The following ADAM32 variants were observed in gnomAD, a reference collection of about 807,000 sequenced individuals.
ADAM32 encodes the protein ADAM metallopeptidase domain 32.
Under a neutral mutation model 114.9 loss-of-function variants are expected in ADAM32, and 89 were observed. The observed-to-expected ratio is 0.77, with a 90% CI of 0.65 to 0.92. ADAM32 has a LOEUF of 0.92. ADAM32 is among the 40% of genes least tolerant of loss of function. ADAM32 has a pLI of 0.00. For synonymous variants in ADAM32, 285 were observed against 307.5 expected, an observed-to-expected ratio of 0.93 and a Z score of 0.77; for missense variants, 870 against 932.8, an observed-to-expected ratio of 0.93 and a Z score of 0.88.
chr8:39,246,267 T>A, intron 17 of ADAM32, 101 bp downstream of exon 17: 1 of 903,224 alleles, frequency 1.1e-6, no homozygotes, highest in Non-Finnish European at 1.7e-6. Flanking sequence ...TGTGACAGAC[T>A]CTGTTGCATC....
chr8:39,222,670 C>T (rs191065375), intron 13 of ADAM32, among the ~76,000 whole-genome samples: 115 of 152,142 alleles, frequency 7.6e-4, no homozygotes, highest in Non-Finnish European at 1.5e-4. Flanking sequence ...CACTTAAAAA[C>T]CATGGCTTGA....
At chr8:39,151,596 CATTTA>C (rs772685756) in intron 6 of ADAM32, 48 bp downstream of exon 6, 18 of 1,265,460 alleles carry the variant, frequency 1.4e-5, no homozygotes, top group Middle Eastern at 2.8e-4. Flanking sequence ...TTATTACTTC[CATTTA>C]ATTTATTTAA....
At chr8:39,221,506 TC>T in intron 12 of ADAM32, 103 bp from the exon 13 acceptor site, 1 of 851,412 alleles carries the variant, frequency 1.2e-6, no homozygotes, top group Non-Finnish European at 1.9e-6. Context: ...AGCATTCATA[TC>T]CTTTTCCAAA....
intron 2 of ADAM32, among the ~76,000 whole-genome samples, chr8:39,122,465 A>G (rs1840625582): frequency 6.6e-6 from 1 of 152,192 alleles, no homozygotes; most frequent in South Asian, 2.1e-4. Flanking sequence ...GTGAGAACAT[A>G]GTGAGAAAAG....
Position 39,221,667 on chromosome 8 carries a change from A to C in ADAM32, c.1291A>C (p.Lys431Gln). The C allele has an allele frequency of 6.2e-7, 1 of 1,612,112 alleles. No homozygotes were observed. Reference protein sequence around the residue: ...FRTCVLKDGAKCYKGLCCKDC... With the variant: ...FRTCVLKDGAQCYKGLCCKDC... ...AACTTGTGTACTGAAAGACGGAGCAAAATGTTATAAAGGACTGTGCTGCAA... is the reference window on the plus strand; with the variant it reads ...AACTTGTGTACTGAAAGACGGAGCACAATGTTATAAAGGACTGTGCTGCAA... Residue 431 changes from lysine (K) to glutamine (Q), a missense_variant, in exon 13 of 25, where the codon AAA becomes CAA. Physicochemically the swap from Lys to Gln is moderately conservative, Grantham distance 53 (BLOSUM62 1). Coordinates refer to ENST00000379907, the MANE Select transcript of ADAM32 (RefSeq NM_145004.7).
intron 16 of ADAM32, among the ~76,000 whole-genome samples, chr8:39,242,612 G>A (rs1339312235): frequency 6.6e-6 from 1 of 152,062 alleles, no homozygotes; most frequent in Non-Finnish European, 1.5e-5. Flanking sequence ...AAGAGCACAG[G>A]AAAGACCTGC....
At chr8:39,225,314 C>T (rs149868230) in intron 14 of ADAM32, among the ~76,000 whole-genome samples, 5 of 152,308 alleles carry the variant, frequency 3.3e-5, no homozygotes, top group African/African-American at 1.2e-4. Flanking sequence ...CGCTGACTCT[C>T]CATCTGCTCC....
rs925480713 is a variant in ADAM32, at chr8:39,257,216, A to C, written c.2035A>C (p.Thr679Pro). ...AATCATGGAAAGAGCATCTGGGAAG[A>C]CTGAAAACACCTGGCTTCTAGGTTT... ...GSIMERASGK[T>P]ENTWLLGFLI... The change falls in exon 19 of 25, where the codon ACT becomes CCT. Residue 679 changes from threonine to proline, a missense_variant. Physicochemically the swap from Thr to Pro is conservative, Grantham distance 38. Coordinates refer to ENST00000379907, the MANE Select transcript of ADAM32 (RefSeq NM_145004.7). 2.5e-6 allele frequency: 4 copies of C among 1,607,508 alleles called. No homozygotes were observed. The highest frequency in any genetic ancestry group is 3.4e-6 in the Non-Finnish European group (4 of 1,176,422).
At chr8:39,203,568 G>A (rs1339145952) in intron 11 of ADAM32, among the ~76,000 whole-genome samples, 1 of 152,104 alleles carries the variant, frequency 6.6e-6, no homozygotes, top group Non-Finnish European at 1.5e-5. Context: ...ACACTGATGG[G>A]TCTTGACTCT....
intron 19 of ADAM32, among the ~76,000 whole-genome samples, chr8:39,269,536 T>C (rs1244536353): frequency 1.3e-5 from 2 of 152,216 alleles, no homozygotes; most frequent in African/African-American, 4.8e-5. Flanking sequence ...TTTCTCTAAT[T>C]TTTCTTTCCT....
At chr8:39,268,205 TC>T (rs1399234468) in intron 19 of ADAM32, among the ~76,000 whole-genome samples, 1 of 152,222 alleles carries the variant, frequency 6.6e-6, no homozygotes, top group Non-Finnish European at 1.5e-5. Flanking sequence ...CATCTTGTAT[TC>T]CAGCCACTAG....
At chr8:39,200,185 A>G (rs1250568686) in intron 11 of ADAM32, among the ~76,000 whole-genome samples, 4 of 152,302 alleles carry the variant, frequency 2.6e-5, no homozygotes, top group Admixed American at 2.0e-4. Flanking sequence ...TAGGTCCTTG[A>G]GGAATTGCCA....
chr8:39,133,233 T>C (rs968995864), intron 2 of ADAM32, among the ~76,000 whole-genome samples: 3 of 152,186 alleles, frequency 2.0e-5, no homozygotes, highest in Non-Finnish European at 2.9e-5. Flanking sequence ...ACCTGGCACC[T>C]CTCCCTCTCT....
chr8:39,240,094 G>A (rs967357378), intron 16 of ADAM32, among the ~76,000 whole-genome samples: 2 of 152,124 alleles, frequency 1.3e-5, no homozygotes, highest in Non-Finnish European at 2.9e-5. Context: ...GGTATTTACA[G>A]AACATTCTGC....
At chr8:39,107,649 C>T (rs1355280292), upstream of ADAM32, 1 of 1,502,778 alleles carries the variant, frequency 6.7e-7, no homozygotes. Context: ...CACCCCGTCT[C>T]CGGGGCCTCC....
chr8:39,197,309 A>G (rs1451406677), intron 11 of ADAM32, among the ~76,000 whole-genome samples: 1 of 150,398 alleles, frequency 6.6e-6, no homozygotes, highest in Non-Finnish European at 1.5e-5. Flanking sequence ...AGTTCTTTTT[A>G]TTTTTTAGGT....
At chr8:39,139,128 C>G (rs1354213976) in intron 3 of ADAM32, among the ~76,000 whole-genome samples, 1 of 152,148 alleles carries the variant, frequency 6.6e-6, no homozygotes, top group Non-Finnish European at 1.5e-5. Context: ...TGTAGGTTGC[C>G]TGTTCACTCT....
intron 10 of ADAM32, among the ~76,000 whole-genome samples, chr8:39,174,033 C>T (rs1470896264): frequency 6.6e-6 from 1 of 152,330 alleles, no homozygotes; most frequent in African/African-American, 2.4e-5. Context: ...CTGTGTTGGT[C>T]AGGCTGGTCT....
intron 19 of ADAM32, 80 bp downstream of exon 19, chr8:39,257,423 AG>A: frequency 6.7e-7 from 1 of 1,495,798 alleles, no homozygotes; most frequent in Non-Finnish European, 9.1e-7. Context: ...CACGAGCAGT[AG>A]CAATACTTTA....
Sources: gnomAD v4.1 joint callset for allele counts (sites outside exome capture counted in the v4.1 genomes callset) on GRCh38, gnomAD v4.1.1 for gene constraint, MANE v1.5 for transcripts, NCBI Gene and HGNC (gene_info 2026-07-23, HGNC 2026-07-21) for gene names.